The following NAV1 variants were observed in gnomAD, a reference collection of about 807,000 sequenced individuals.
NAV1 encodes pore membrane and/or filament interacting like protein 3.
Under a neutral mutation model 175.2 loss-of-function variants are expected in NAV1, and 18 were observed. The observed-to-expected ratio is 0.10, with a 90% CI of 0.07 to 0.15. The LOEUF is 0.15. Ranked by LOEUF, NAV1 falls within the 10% of genes least tolerant of loss-of-function variation. The pLI is 1.00. For missense variants in NAV1, 1,731 were observed against 2,436.6 expected (o/e 0.71, Z 6.10); for synonymous variants, 897 against 978.7 (o/e 0.92, Z 1.56).
chr1:201,670,380 CAA>C (rs58216500), intron 1 of NAV1, among the ~76,000 whole-genome samples: 74 of 12,158 alleles, frequency 6.1e-3, no homozygotes, highest in African/African-American at 0.019. Flanking sequence ...GACTCCATCT[CAA>C]AAAAAAAAAA....
At chr1:201,586,105 G>A (rs1667019291) in intron 1 of NAV1, among the ~76,000 whole-genome samples, 1 of 152,108 alleles carries the variant, frequency 6.6e-6, no homozygotes, top group Non-Finnish European at 1.5e-5. Flanking sequence ...ACAAAATGTG[G>A]TATGCAATGA....
chr1:201,642,303 C>T (rs183837162), intron 2 of NAV1, among the ~76,000 whole-genome samples: 3 of 151,822 alleles, frequency 2.0e-5, no homozygotes, highest in Non-Finnish European at 4.4e-5. Flanking sequence ...GGCTCCGCCT[C>T]CCGGGTTCAC....
At chr1:201,763,726 C>T (rs1468347982) in intron 3 of NAV1, among the ~76,000 whole-genome samples, 33 of 152,214 alleles carry the variant, frequency 2.2e-4, no homozygotes, top group Non-Finnish European at 2.9e-5. Context: ...AACAGTCTCT[C>T]ATGTCTTTCC....
intron 2 of NAV1, among the ~76,000 whole-genome samples, chr1:201,715,699 C>T (rs1672111935): frequency 6.6e-6 from 1 of 152,216 alleles, no homozygotes; most frequent in Admixed American, 6.5e-5. Context: ...AAGCTTCATC[C>T]TCGGAGCTTA....
chr1:201,809,306 G>T, intron 21 of NAV1, 45 bp downstream of exon 25: 1 of 1,604,032 alleles, frequency 6.2e-7, no homozygotes, highest in Non-Finnish European at 8.5e-7. Context: ...AACAAATACT[G>T]TTACATTTAT....
At chr1:201,573,755 G>A (rs1558002849) in intron 1 of NAV1, among the ~76,000 whole-genome samples, 3 of 152,094 alleles carry the variant, frequency 2.0e-5, no homozygotes. Flanking sequence ...TGGGGTCATG[G>A]ACCCTTTTTG....
intron 2 of NAV1, among the ~76,000 whole-genome samples, chr1:201,612,436 A>G (rs1667875890): frequency 6.6e-6 from 1 of 152,194 alleles, no homozygotes; most frequent in South Asian, 2.1e-4. Context: ...CCTGGGTGAC[A>G]GAGCTGCGAC....
chr1:201,671,755 C>T (rs1157724562), intron 1 of NAV1, among the ~76,000 whole-genome samples: 3 of 152,266 alleles, frequency 2.0e-5, no homozygotes, highest in East Asian at 3.9e-4. Context: ...GTCAGCAGAC[C>T]TGGCCATAAG....
At chr1:201,778,148 C>CT (rs1292010325) in intron 3 of NAV1, among the ~76,000 whole-genome samples, 1 of 152,144 alleles carries the variant, frequency 6.6e-6, no homozygotes, top group East Asian at 1.9e-4. Context: ...AGGAAAAGAG[C>CT]TTGGGAAGGA....
chr1:201,797,815 T>G (rs1488255876), intron 15 of NAV1: 3 of 152,236 alleles, frequency 2.0e-5, no homozygotes, highest in Non-Finnish European at 4.4e-5. Flanking sequence ...ACAATTGATT[T>G]TTTGCACATT....
At chr1:201,672,347 A>G (rs1045181686) in intron 1 of NAV1, among the ~76,000 whole-genome samples, 1 of 152,212 alleles carries the variant, frequency 6.6e-6, no homozygotes, top group Non-Finnish European at 1.5e-5. Context: ...TTCATGATCC[A>G]CAAATGAGTT....
intron 3 of NAV1, chr1:201,724,100 T>G (rs1267449655): frequency 6.6e-6 from 1 of 152,216 alleles, no homozygotes; most frequent in Non-Finnish European, 1.5e-5. Context: ...GATCACCCGC[T>G]TGACACTAGA....
intron 2 of NAV1, among the ~76,000 whole-genome samples, chr1:201,617,206 G>GTCTCTCTCTC (rs3054501): frequency 2.0e-4 from 27 of 138,224 alleles, no homozygotes; most frequent in South Asian, 1.2e-3. Flanking sequence ...CAATCTCTCT[G>GTCTCTCTCTC]TCTCTCTCTC....
At chr1:201,618,343 A>G (rs114691804), upstream of NAV1, among the ~76,000 whole-genome samples, 782 of 152,334 alleles carry the variant, frequency 5.1e-3, 11 homozygotes, top group African/African-American at 0.018. Flanking sequence ...GCTGACCTAC[A>G]GTACCACCGA....
chr1:201,645,770 A>C (rs1668957024), upstream of NAV1, among the ~76,000 whole-genome samples: 1 of 152,240 alleles, frequency 6.6e-6, no homozygotes, highest in Non-Finnish European at 1.5e-5. Context: ...ATGAATTTAC[A>C]TGCAGAAAGA....
chr1:201,732,494 A>G (rs1166310718), intron 3 of NAV1, among the ~76,000 whole-genome samples: 1 of 152,000 alleles, frequency 6.6e-6, no homozygotes, highest in Non-Finnish European at 1.5e-5. Flanking sequence ...ACTCTCTTAT[A>G]TCTCCACAAG....
intron 1 of NAV1, among the ~76,000 whole-genome samples, chr1:201,549,109 TTCTTTC>T (rs963506482): frequency 4.1e-5 from 6 of 146,724 alleles, no homozygotes; most frequent in East Asian, 3.9e-4. Flanking sequence ...CTTTCTTTCT[TTCTTTC>T]TTTCTTTCTT....
intron 2 of NAV1, among the ~76,000 whole-genome samples, chr1:201,594,894 A>G (rs564811998): frequency 2.6e-5 from 4 of 152,348 alleles, no homozygotes; most frequent in Admixed American, 2.6e-4. Flanking sequence ...TGAGAAAGGG[A>G]GCACTGAGCA....
chr1:201,809,149 T>C lies in NAV1; in HGVS notation c.4208-15T>C. ...GGTACTCCTAAAACCAGTTGGTTCTTTTCAATCCCCACAGACCTGTCACCC... is the reference window on the plus strand; with the variant it reads ...GGTACTCCTAAAACCAGTTGGTTCTCTTCAATCCCCACAGACCTGTCACCC... On this transcript the variant is annotated splice_polypyrimidine_tract_variant and intron_variant, in intron 20 of 29. Coordinates refer to ENST00000367296, the Ensembl canonical transcript of NAV1. 1.9e-6 allele frequency: 3 copies of C among 1,613,278 alleles called. No homozygotes were observed. Among genetic ancestry groups the C allele is most frequent in the Non-Finnish European group, 2.5e-6 (3 of 1,179,288 alleles).
Sources: gnomAD v4.1 joint callset for allele counts (sites outside exome capture counted in the v4.1 genomes callset) on GRCh38, gnomAD v4.1.1 for gene constraint, MANE v1.5 for transcripts, NCBI Gene and HGNC (gene_info 2026-07-23, HGNC 2026-07-21) for gene names.